Variants in WAPL observed in about 807,000 individuals in gnomAD.
WAPL encodes wings apart-like protein homolog.
In WAPL, 5 loss-of-function variants were observed where a neutral mutation model predicts 121.0. The ratio of observed to expected loss-of-function variants is 0.04; its 90% CI spans 0.02 to 0.09. The LOEUF is 0.09. Among genes scored for constraint, WAPL ranks in the 10% least tolerant of loss-of-function variants. The probability of loss-of-function intolerance (pLI) is 1.00; values close to 1 mark genes in which losing one functional copy is unlikely to be tolerated. For synonymous variants in WAPL, 480 were observed against 481.5 expected (o/e 1.00, Z 0.04); for missense variants, 999 against 1,410.8 (o/e 0.71, Z 4.68).
At chr10:86,460,719 C>CT (rs202108552) in intron 10 of WAPL, among the ~76,000 whole-genome samples, 112 of 133,208 alleles carry the variant, frequency 8.4e-4, no homozygotes, top group East Asian at 3.5e-3. Context: ...ATGGCCTCTT[C>CT]TTTTTTTTTT....
chr10:86,495,589 A>G (rs1394280427), intron 4 of WAPL, among the ~76,000 whole-genome samples: 1 of 152,220 alleles, frequency 6.6e-6, no homozygotes, highest in Non-Finnish European at 1.5e-5. Context: ...AAAAACATAG[A>G]CAAAAATGTA....
chr10:86,466,046 CAGA>C (rs1342356543), intron 9 of WAPL, among the ~76,000 whole-genome samples: 2 of 152,032 alleles, frequency 1.3e-5, no homozygotes, highest in Non-Finnish European at 2.9e-5. Context: ...AGTAAAAAGC[CAGA>C]AGAAGGCAAA....
intron 4 of WAPL, among the ~76,000 whole-genome samples, chr10:86,480,776 A>G: frequency 6.6e-6 from 1 of 152,194 alleles, no homozygotes; most frequent in East Asian, 1.9e-4. Context: ...TTGCCAATGA[A>G]GTGTGAAGAG....
At chr10:86,512,299 T>C (rs1842479146) in intron 2 of WAPL, among the ~76,000 whole-genome samples, 2 of 152,256 alleles carry the variant, frequency 1.3e-5, no homozygotes, top group Admixed American at 6.5e-5. Context: ...AAAAATTTAT[T>C]GGCTACAAAA....
At chr10:86,471,159 G>A (rs1314701901) in intron 7 of WAPL, 56 bp from the exon 8 acceptor site, 2 of 1,467,780 alleles carry the variant, frequency 1.4e-6, no homozygotes, top group Non-Finnish European at 9.5e-7. Context: ...CATTAGTTTT[G>A]AGTTTGTGTA....
chr10:86,512,287 A>T (rs1027901469), intron 2 of WAPL, among the ~76,000 whole-genome samples: 10 of 152,258 alleles, frequency 6.6e-5, no homozygotes, highest in African/African-American at 1.7e-4. Flanking sequence ...TAAGCAAATT[A>T]AAAAAATTTA....
chr10:86,453,518 T>TA, intron 13 of WAPL, 138 bp downstream of exon 13: 2 of 1,226,704 alleles, frequency 1.6e-6, no homozygotes, highest in Non-Finnish European at 2.2e-6. Context: ...AAAAGCAATT[T>TA]AAACCTACAC....
intron 2 of WAPL, among the ~76,000 whole-genome samples, chr10:86,507,365 C>CA (rs34752630): frequency 0.014 from 1,121 of 77,610 alleles, 70 homozygotes; most frequent in African/African-American, 0.043. Context: ...GACTCTGTCT[C>CA]AAAAAAAAAA....
Position 86,443,371 on chromosome 10 carries a change from A to T in WAPL, c.3323-8T>A. ...TGCCGGCATGCTGAAGGGCTGAGAG[A>T]ATTGAAGTAAAGAATTGTAACAGTA... On this transcript the variant is annotated splice_polypyrimidine_tract_variant and splice_region_variant and intron_variant, in intron 16 of 18. Coordinates refer to ENST00000298767, the MANE Select transcript of WAPL (RefSeq NM_015045.5). 1 of 1,613,372 alleles carries T rather than the reference A, an allele frequency of 6.2e-7. No individual in the cohort carries two copies. The highest frequency in any genetic ancestry group is 8.5e-7 in the Non-Finnish European group (1 of 1,179,454).
chr10:86,521,350 C>T lies in WAPL; in HGVS notation c.-23+15G>A. 3.7e-6 allele frequency: 1 copy of T among 270,546 alleles called. No individual in the cohort carries two copies. 16.8% of individuals were successfully genotyped at this position (270,546 alleles called of 1,614,324 possible). ...CTCCCTCCCGGCCTAGGCGGCCGCCCGACACCTCACTTACCCTCGGAGCCT... is the reference window on the plus strand; with the variant it reads ...CTCCCTCCCGGCCTAGGCGGCCGCCTGACACCTCACTTACCCTCGGAGCCT... On this transcript the variant is annotated intron_variant, in intron 1 of 18. Coordinates refer to ENST00000298767, the MANE Select transcript of WAPL (RefSeq NM_015045.5).
Position 86,436,582 on chromosome 10 carries a change from T to C in WAPL, c.*961A>G, listed in dbSNP as rs1849328117. 1 of 152,680 alleles carries C rather than the reference T, an allele frequency of 6.5e-6. No homozygotes were observed. The highest frequency in any genetic ancestry group is 2.4e-5 in the African/African-American group (1 of 41,474). 9.5% of individuals were successfully genotyped at this position (152,680 alleles called of 1,614,324 possible). A position where few individuals can be genotyped will look rare whatever the true frequency, so the allele number is the denominator to read the frequency against. ...CTTTGCGCTTATGCAATTGATCCTGTCACTCTATAGAAGAATATACATGTT... is the reference window on the plus strand; with the variant it reads ...CTTTGCGCTTATGCAATTGATCCTGCCACTCTATAGAAGAATATACATGTT... On this transcript the variant is annotated 3_prime_UTR_variant, in exon 19 of 19. Coordinates refer to ENST00000298767, the MANE Select transcript of WAPL (RefSeq NM_015045.5).
Position 86,472,117 on chromosome 10 carries a change from A to G in WAPL, c.2030+91T>C. 7.7e-7 allele frequency: 1 copy of G among 1,298,576 alleles called. No individual in the cohort carries two copies. Among genetic ancestry groups the G allele is most frequent in the Non-Finnish European group, 1.0e-6 (1 of 962,498 alleles). The allele number at this position is 1,298,576 out of a possible 1,614,324, so 80.4% of individuals were successfully genotyped here. A position where few individuals can be genotyped will look rare whatever the true frequency, so the allele number is the denominator to read the frequency against. ...ATACATACTACCCCATCATAACAAAATAAAAAATGTTTGGCTTTTTGGACA... is the reference window on the plus strand; with the variant it reads ...ATACATACTACCCCATCATAACAAAGTAAAAAATGTTTGGCTTTTTGGACA... On this transcript the variant is annotated intron_variant, in intron 7 of 18. Transcript: ENST00000298767. This position sits in a 1 kb window ranked among gnomAD's most constrained non-coding sequence, Gnocchi z 4.2.
At chr10:86,489,885 GA>G (rs11429174) in intron 4 of WAPL, among the ~76,000 whole-genome samples, 153 of 135,498 alleles carry the variant, frequency 1.1e-3, no homozygotes, top group Middle Eastern at 3.6e-3. Context: ...GTTTTGCCTT[GA>G]AAAAAAAAAA....
At chr10:86,516,164 G>A (rs1000501565) in intron 2 of WAPL, among the ~76,000 whole-genome samples, 1 of 152,114 alleles carries the variant, frequency 6.6e-6, no homozygotes, top group Non-Finnish European at 1.5e-5. Context: ...CACTGCACAG[G>A]TCCTTTACGC....
At chr10:86,519,227 T>C (rs1034007991) in intron 1 of WAPL, among the ~76,000 whole-genome samples, 4 of 152,220 alleles carry the variant, frequency 2.6e-5, no homozygotes, top group Non-Finnish European at 4.4e-5. Flanking sequence ...AAAGTTATAG[T>C]ACTTTTTAAA....
chr10:86,476,352 G>A (rs1055524564), intron 4 of WAPL, among the ~76,000 whole-genome samples: 8 of 151,554 alleles, frequency 5.3e-5, no homozygotes, highest in Non-Finnish European at 1.0e-4. Flanking sequence ...GCGACAGAGC[G>A]AGACTCTGTC....
rs184451094 is a variant in WAPL at position 86,464,701 on chromosome 10, T to C, written c.2370+2578A>G. 1.2e-4 allele frequency among the ~76,000 whole-genome samples: 19 copies of C among 152,346 alleles called. No homozygotes were observed. The East Asian group carries it at 2.9e-3, about 23-fold the overall frequency. ...ATACAAGAAAATTAGCTGGGCGTGA[T>C]GGCACACGCCTGTAATCCCAGCTAT... On this transcript the variant is annotated intron_variant, in intron 9 of 18. Coordinates refer to ENST00000298767, the MANE Select transcript of WAPL (RefSeq NM_015045.5).
At chr10:86,468,260 CA>C (rs2132189035) in intron 8 of WAPL, among the ~76,000 whole-genome samples, 1 of 152,118 alleles carries the variant, frequency 6.6e-6, no homozygotes, top group Non-Finnish European at 1.5e-5. Flanking sequence ...TGCAGTGGCA[CA>C]TATCAGCTCA....
At chr10:86,444,542 T>G (rs1222422829) in intron 16 of WAPL, among the ~76,000 whole-genome samples, 1 of 152,194 alleles carries the variant, frequency 6.6e-6, no homozygotes, top group Non-Finnish European at 1.5e-5. Flanking sequence ...TTGAAAACAT[T>G]CTGCTGGCTG....
Sources: gnomAD v4.1 joint callset for allele counts (sites outside exome capture counted in the v4.1 genomes callset) on GRCh38, gnomAD v4.1.1 for gene constraint, Gnocchi (gnomAD v3.1) non-coding constraint, MANE v1.5 for transcripts, NCBI Gene and HGNC (gene_info 2026-07-23, HGNC 2026-07-21) for gene names.